Variants in LRRC4C observed in about 807,000 individuals in gnomAD.
LRRC4C encodes leucine-rich repeat-containing protein 4C.
LRRC4C carries 5 observed loss-of-function variants against 33.6 expected under a neutral mutation model. The observed-to-expected ratio is 0.15, with a 90% CI of 0.08 to 0.31. LRRC4C has a LOEUF of 0.31. Among genes scored for constraint, LRRC4C ranks in the 10% least tolerant of loss-of-function variants. LRRC4C has a pLI of 1.00. For missense variants in LRRC4C, 560 were observed against 796.7 expected (o/e 0.70, Z 3.58); for synonymous variants, 329 against 302.0 (o/e 1.09, Z -0.93).
At chr11:41,165,690 AT>A (rs531092380) in intron 1 of LRRC4C, among the ~76,000 whole-genome samples, 29 of 152,248 alleles carry the variant, frequency 1.9e-4, no homozygotes, top group African/African-American at 7.0e-4. Context: ...ACCCAGCACA[AT>A]TCAGCTCAAA....
intron 2 of LRRC4C, among the ~76,000 whole-genome samples, chr11:40,685,755 C>T (rs1245641724): frequency 1.3e-5 from 2 of 151,668 alleles, no homozygotes; most frequent in African/African-American, 4.8e-5. Context: ...CAATTCTGTA[C>T]ACATAAGAGT....
intron 2 of LRRC4C, among the ~76,000 whole-genome samples, chr11:40,698,057 G>T (rs1298009572): frequency 1.5e-5 from 2 of 130,018 alleles, no homozygotes; most frequent in Non-Finnish European, 1.6e-5. Flanking sequence ...AACAGAGTGA[G>T]ACTCTGTCTC....
At chr11:40,679,397 C>T (rs940850402) in intron 2 of LRRC4C, among the ~76,000 whole-genome samples, 26 of 152,188 alleles carry the variant, frequency 1.7e-4, no homozygotes, top group African/African-American at 6.0e-4. Context: ...TAACGAGGAG[C>T]GGAATGTTAA....
intron 2 of LRRC4C, among the ~76,000 whole-genome samples, chr11:40,793,274 C>T (rs916288633): frequency 6.2e-4 from 95 of 152,052 alleles, no homozygotes; most frequent in African/African-American, 2.3e-3. Context: ...TTGAGGGTCT[C>T]GAAAAACAAT....
chr11:41,359,529 T>C (rs1952278219), intron 1 of LRRC4C, among the ~76,000 whole-genome samples: 1 of 152,164 alleles, frequency 6.6e-6, no homozygotes, highest in Admixed American at 6.5e-5. Context: ...TTTGTTTTTT[T>C]TGTTTTTGTT....
intron 3 of LRRC4C, among the ~76,000 whole-genome samples, chr11:40,616,360 C>G (rs1436407125): frequency 1.3e-5 from 2 of 152,016 alleles, no homozygotes; most frequent in Non-Finnish European, 2.9e-5. Flanking sequence ...GGTGATCCCT[C>G]AGGGATCTAG....
chr11:41,262,185 T>TA (rs1299516698), intron 1 of LRRC4C, among the ~76,000 whole-genome samples: 1 of 152,060 alleles, frequency 6.6e-6, no homozygotes, highest in African/African-American at 2.4e-5. Context: ...CAAATTTCAA[T>TA]GGCCAGATTT....
intron 2 of LRRC4C, among the ~76,000 whole-genome samples, chr11:40,872,088 T>C (rs1954678759): frequency 6.6e-6 from 1 of 151,970 alleles, no homozygotes; most frequent in Non-Finnish European, 1.5e-5. Context: ...TCTAAACGAG[T>C]TTCCTGTGTG....
rs921889765 is a variant in LRRC4C at position 41,429,884 on chromosome 11, G to C, written c.-496+29547C>G. On this transcript the variant is annotated intron_variant, in intron 1 of 6. Transcript: ENST00000528697. ...CTGGAGAGGTTAGATAGGAGGAAAG[G>C]GGAAGCTTCCAAATGAGATAATGGC... is the stretch of plus-strand genomic sequence containing the variant. Among the ~76,000 whole-genome samples the C allele has an allele frequency of 4.6e-5, 7 of 152,090 alleles. 1 individual carries two copies. The highest frequency in any genetic ancestry group is 2.9e-5 in the Non-Finnish European group (2 of 68,006).
At chr11:40,201,634 G>A (rs1862761066) in intron 5 of LRRC4C, among the ~76,000 whole-genome samples, 1 of 152,132 alleles carries the variant, frequency 6.6e-6, no homozygotes, top group Admixed American at 6.5e-5. Context: ...AAGCGCAGAT[G>A]TAAGAATGAC....
chr11:41,449,794 G>A (rs978574853), intron 1 of LRRC4C, among the ~76,000 whole-genome samples: 6 of 147,298 alleles, frequency 4.1e-5, no homozygotes, highest in Admixed American at 6.8e-5. Flanking sequence ...AAGCTTTTTC[G>A]CTTCTTTAAG....
chr11:41,336,080 C>T (rs750132898), intron 1 of LRRC4C, among the ~76,000 whole-genome samples: 11 of 152,130 alleles, frequency 7.2e-5, no homozygotes, highest in Admixed American at 2.0e-4. Context: ...CCACTGAGCC[C>T]TTTGTGCCTT....
At chr11:40,306,265 G>C (rs919923214) in intron 4 of LRRC4C, among the ~76,000 whole-genome samples, 1 of 152,130 alleles carries the variant, frequency 6.6e-6, no homozygotes, top group Non-Finnish European at 1.5e-5. Context: ...CTCTTCCAAA[G>C]TGTCAAAAGA....
At chr11:40,760,495 G>A (rs556143965) in intron 2 of LRRC4C, among the ~76,000 whole-genome samples, 19 of 151,184 alleles carry the variant, frequency 1.3e-4, no homozygotes, top group Admixed American at 8.6e-4. Context: ...AAAATAATTT[G>A]GCTGGAGTAT....
intron 2 of LRRC4C, among the ~76,000 whole-genome samples, chr11:40,896,567 G>T (rs953783528): frequency 6.6e-6 from 1 of 151,266 alleles, no homozygotes; most frequent in South Asian, 2.1e-4. Context: ...TTATTTTAAA[G>T]CACTGGAATT....
chr11:40,583,283 T>A (rs1460725877), intron 3 of LRRC4C, among the ~76,000 whole-genome samples: 2 of 152,178 alleles, frequency 1.3e-5, no homozygotes, highest in Admixed American at 1.3e-4. Context: ...ACTCTTCACT[T>A]TTCCCCCTCT....
chr11:40,211,895 T>G (rs546546634), intron 5 of LRRC4C, among the ~76,000 whole-genome samples: 2 of 152,294 alleles, frequency 1.3e-5, no homozygotes, highest in South Asian at 4.1e-4. Flanking sequence ...CTGAGAGCTT[T>G]GTATTAGAAT....
At chr11:41,178,964 G>A (rs1945326943) in intron 1 of LRRC4C, among the ~76,000 whole-genome samples, 1 of 152,134 alleles carries the variant, frequency 6.6e-6, no homozygotes, top group Admixed American at 6.5e-5. Context: ...GCCTCCCAAA[G>A]TGCTGGGATT....
chr11:41,085,763 T>C (rs1438924933), intron 1 of LRRC4C, among the ~76,000 whole-genome samples: 1 of 151,910 alleles, frequency 6.6e-6, no homozygotes, highest in Non-Finnish European at 1.5e-5. Flanking sequence ...TCCCCTTGTT[T>C]TTGACTCTTA....
Sources: gnomAD v4.1 joint callset for allele counts (sites outside exome capture counted in the v4.1 genomes callset) on GRCh38, gnomAD v4.1.1 for gene constraint, MANE v1.5 for transcripts, NCBI Gene and HGNC (gene_info 2026-07-23, HGNC 2026-07-21) for gene names.